Variants in TAF1 observed in about 807,000 individuals in gnomAD.
The protein encoded by TAF1 is TATA-box binding protein associated factor 1.
TAF1 carries 2 observed loss-of-function variants against 138.5 expected under a neutral mutation model. That is an observed-to-expected ratio of 0.01 (90% CI 0.01 to 0.05). The LOEUF is 0.05. Among genes scored for constraint, TAF1 ranks in the 10% least tolerant of loss-of-function variants. The pLI is 1.00. For missense variants in TAF1, 709 were observed against 1,478.0 expected, an observed-to-expected ratio of 0.48 and a Z score of 8.53; for synonymous variants, 437 against 503.2, an observed-to-expected ratio of 0.87 and a Z score of 1.76.
intron 17 of TAF1, 26 bp from the exon 18 acceptor site, chrX:71,389,557 ATT>A (rs1302324921): frequency 6.0e-6 from 7 of 1,166,557 alleles, no homozygotes; most frequent in Non-Finnish European, 8.1e-6. Context: ...TAACTGACTG[ATT>A]TATGCATGGA....
chrX:71,458,611 T>A (rs1214779875), intron 35 of TAF1, among the ~76,000 whole-genome samples: 1 of 111,578 alleles, frequency 9.0e-6, no homozygotes, highest in Non-Finnish European at 1.9e-5. Flanking sequence ...GACACAAGTA[T>A]GAAAAAAGGG....
At chrX:71,371,401 AAGTG>A (rs1287253893) in intron 3 of TAF1, among the ~76,000 whole-genome samples, 1 of 111,414 alleles carries the variant, frequency 9.0e-6, no homozygotes, top group African/African-American at 3.3e-5. Flanking sequence ...AAAATTTTGA[AAGTG>A]AGGCAAGGTT....
intron 13 of TAF1, among the ~76,000 whole-genome samples, chrX:71,510,524 C>T (rs2039712372): frequency 8.9e-6 from 1 of 111,739 alleles, no homozygotes; most frequent in African/African-American, 3.2e-5. Flanking sequence ...CAGTGTGATG[C>T]AGATGGTGCC....
At chrX:71,383,920 G>C in intron 12 of TAF1, 42 bp from the exon 13 acceptor site, 1 of 1,179,620 alleles carries the variant, frequency 8.5e-7, no homozygotes, top group Non-Finnish European at 1.1e-6. Flanking sequence ...GTGTAGTAGT[G>C]TCCTGTCAGG....
intron 1 of TAF1, among the ~76,000 whole-genome samples, chrX:71,366,978 G>T (rs1460507705): frequency 1.8e-5 from 2 of 112,058 alleles, no homozygotes; most frequent in Admixed American, 9.5e-5. Flanking sequence ...TGGTCACAGT[G>T]CGCCTTTTAG....
chrX:71,406,778 G>A (rs748580991), intron 26 of TAF1, 32 bp downstream of exon 26: 5 of 1,139,883 alleles, frequency 4.4e-6, no homozygotes, highest in Non-Finnish European at 6.0e-6. Context: ...TTCTGATTAG[G>A]TAGGTTATCA....
At chrX:71,390,737 T>C (rs974714146) in intron 18 of TAF1, among the ~76,000 whole-genome samples, 3 of 111,837 alleles carry the variant, frequency 2.7e-5, no homozygotes, top group Non-Finnish European at 5.6e-5. Context: ...GGCTCATGCC[T>C]GTAGTCCCAA....
chrX:71,420,195 C>T (rs1374242372), intron 28 of TAF1: 54 of 586,904 alleles, frequency 9.2e-5, no homozygotes, highest in Non-Finnish European at 8.4e-5. Context: ...GTTGGTGGTC[C>T]GGGCATGGTA....
intron 1 of TAF1, 26 bp downstream of exon 1, chrX:71,366,520 G>GGGGGGGGGGGGGGGGGGGGGC: frequency 2.4e-6 from 1 of 417,684 alleles, no homozygotes; most frequent in Non-Finnish European, 3.7e-6. Context: ...TGGGGGTAGG[G>GGGGGGGGGGGGGGGGGGGGGC]CTCGGGGGGT....
chrX:71,523,122 C>T (rs2039933946), intron 13 of TAF1, among the ~76,000 whole-genome samples: 1 of 98,577 alleles, frequency 1.0e-5, no homozygotes, highest in Admixed American at 1.2e-4. Flanking sequence ...GCAGAGGTTC[C>T]AGTGAGCCGA....
At chrX:71,411,107 ACT>A (rs2035764479) in intron 28 of TAF1, among the ~76,000 whole-genome samples, 2 of 108,537 alleles carry the variant, frequency 1.8e-5, no homozygotes, top group South Asian at 3.9e-4. Flanking sequence ...AAGCAGTCTC[ACT>A]CTGTCACCCA....
chrX:71,526,353 T>TA (rs950889345), intron 13 of TAF1, among the ~76,000 whole-genome samples: 1 of 112,157 alleles, frequency 8.9e-6, no homozygotes, highest in African/African-American at 3.2e-5. Flanking sequence ...TCTAATACTT[T>TA]AAAAAATAAT....
At chrX:71,468,838 A>T (rs989958691), downstream of TAF1, among the ~76,000 whole-genome samples, 2 of 108,633 alleles carry the variant, frequency 1.8e-5, no homozygotes, top group African/African-American at 3.4e-5. Flanking sequence ...ACGAAAAAAA[A>T]AAGGGAGCAA....
At chrX:71,516,550 G>A (rs1413894870) in intron 13 of TAF1, among the ~76,000 whole-genome samples, 1 of 108,774 alleles carries the variant, frequency 9.2e-6, no homozygotes, top group African/African-American at 3.4e-5. Context: ...ATTGAGGTAG[G>A]AGGATCACTT....
chrX:71,420,504 T>A (rs2036272024), intron 28 of TAF1: 2 of 1,203,822 alleles, frequency 1.7e-6, no homozygotes, highest in African/African-American at 3.5e-5. Context: ...GGCCTCCATC[T>A]TCTCCTCAAT....
chrX:71,513,684 C>A (rs938856926), intron 13 of TAF1, among the ~76,000 whole-genome samples: 1 of 111,471 alleles, frequency 9.0e-6, no homozygotes, highest in Non-Finnish European at 1.9e-5. Flanking sequence ...GAGTTCGAGA[C>A]CAGCCTGGGC....
intron 13 of TAF1, among the ~76,000 whole-genome samples, chrX:71,475,324 G>A (rs2038959639): frequency 9.0e-6 from 1 of 111,498 alleles, no homozygotes; most frequent in African/African-American, 3.3e-5. Flanking sequence ...AGTGGCTCAC[G>A]CCTGTAATCC....
rs749919538 is a variant in TAF1, at chrX:71,436,214, A to AT, written c.4753+11995dup. 6.2e-3 allele frequency among the ~76,000 whole-genome samples: 525 copies of AT among 84,265 alleles called. 2 individuals are homozygous for AT. The highest frequency in any genetic ancestry group is 9.2e-3 in the African/African-American group (201 of 21,883). 73.2% of individuals were successfully genotyped at this position (84,265 alleles called of 115,157 possible). A position where few individuals can be genotyped will look rare whatever the true frequency, so the allele number is the denominator to read the frequency against. On this transcript the variant is annotated intron_variant, in intron 32 of 37. Transcript: ENST00000423759. ...AGGCACACATCTCCAAGCCCGGCTA[A>AT]TTTTTTTTTTTTTTTTTTTGAGACA...
chrX:71,497,402 A>G (rs2039416806), intron 13 of TAF1, among the ~76,000 whole-genome samples: 1 of 111,726 alleles, frequency 9.0e-6, no homozygotes, highest in East Asian at 2.8e-4. Flanking sequence ...GTTGTCTGAC[A>G]GCCATAAACT....
Sources: gnomAD v4.1 joint callset for allele counts (sites outside exome capture counted in the v4.1 genomes callset) on GRCh38, gnomAD v4.1.1 for gene constraint, MANE v1.5 for transcripts, NCBI Gene and HGNC (gene_info 2026-07-23, HGNC 2026-07-21) for gene names.